Variants in SEC61A2 observed in about 807,000 individuals in gnomAD.
The protein encoded by SEC61A2 is SEC61 translocon subunit alpha 2, also known as protein transport protein Sec61 subunit alpha isoform 2.
SEC61A2 carries 28 observed loss-of-function variants against 59.9 expected under a neutral mutation model. The ratio of observed to expected loss-of-function variants is 0.47; its 90% CI spans 0.35 to 0.64. SEC61A2 has a LOEUF of 0.64. Among genes scored for constraint, SEC61A2 ranks in the 30% least tolerant of loss-of-function variants. The pLI is 0.01. For synonymous variants in SEC61A2, 202 were observed against 214.4 expected, an observed-to-expected ratio of 0.94 and a Z score of 0.50; for missense variants, 340 against 585.9, an observed-to-expected ratio of 0.58 and a Z score of 4.33.
intron 2 of SEC61A2, among the ~76,000 whole-genome samples, chr10:12,134,298 C>T (rs187028361): frequency 6.6e-5 from 10 of 152,226 alleles, no homozygotes; most frequent in East Asian, 1.9e-4. Context: ...TGAGCCACCG[C>T]GCCCGGCTAG....
intron 3 of SEC61A2, among the ~76,000 whole-genome samples, chr10:12,140,033 G>A (rs754137206): frequency 1.2e-4 from 19 of 152,028 alleles, no homozygotes; most frequent in Non-Finnish European, 2.4e-4. Context: ...GGGGCCGAGA[G>A]CTGCTCCAGG....
In SEC61A2 at chr10:12,153,871, G is replaced by A; in HGVS notation, c.463-1907G>A. The stretch of plus-strand genomic sequence containing the variant: ...GGTATTTCTCACCTTATTTGTTTAT[G>A]TTTCATTCACGTGGTTAGTGTTTTT... On this transcript the variant is annotated intron_variant, in intron 6 of 11. Coordinates refer to ENST00000298428, the MANE Select transcript of SEC61A2 (RefSeq NM_018144.4). The surrounding 1 kb of genome is among the most constrained non-coding windows in gnomAD (Gnocchi z 5.2). 3 of 1,461,168 alleles carry A rather than the reference G, an allele frequency of 2.1e-6. No individual in the cohort carries two copies. The highest frequency in any genetic ancestry group is 2.8e-5 in the African/African-American group (2 of 71,094). The allele number at this position is 1,461,168 out of a possible 1,614,324, so 90.5% of individuals were successfully genotyped here.
At position 12,162,368 on chromosome 10, in the gene SEC61A2, GT is replaced by G. The variant is rs1834551312; in HGVS notation, c.1244+81del. ...CAGTGTTGGCTAAATGTTTTTCTTT[GT>G]TCAAGTTCATATTTAAAACCCTTCT... On this transcript the variant is annotated intron_variant, in intron 11 of 11. Transcript: ENST00000298428. This position sits in a 1 kb window ranked among gnomAD's most constrained non-coding sequence, Gnocchi z 6.1. 2.5e-6 allele frequency: 3 copies of G among 1,198,292 alleles called. No individual in the cohort carries two copies. In the Admixed American group the frequency reaches 5.1e-5, roughly 20 times the overall value. 74.2% of individuals were successfully genotyped at this position (1,198,292 alleles called of 1,614,324 possible). A position where few individuals can be genotyped will look rare whatever the true frequency, so the allele number is the denominator to read the frequency against.
At position 12,143,228 on chromosome 10, in the gene SEC61A2, C is replaced by G. The variant is rs778882561; in HGVS notation, c.220+33C>G. 84 of 1,421,168 alleles carry G rather than the reference C, an allele frequency of 5.9e-5. No homozygotes were observed. The highest frequency in any genetic ancestry group is 8.1e-5 in the Non-Finnish European group (81 of 1,004,268). 88.0% of individuals were successfully genotyped at this position (1,421,168 alleles called of 1,614,324 possible). A position where few individuals can be genotyped will look rare whatever the true frequency, so the allele number is the denominator to read the frequency against. ...TGTCTTTTCTGTCTCCACACTCCTA[C>G]TCACAGCAAACAGATGGAAACATGT... On this transcript the variant is annotated intron_variant, in intron 4 of 11. Transcript: ENST00000298428. The surrounding 1 kb of genome is among the most constrained non-coding windows in gnomAD (Gnocchi z 4.8).
intron 1 of SEC61A2, among the ~76,000 whole-genome samples, chr10:12,132,626 A>G (rs1833783089): frequency 6.7e-6 from 1 of 150,196 alleles, no homozygotes; most frequent in African/African-American, 2.4e-5. Context: ...AAAAAAAAAA[A>G]AAAAGTTAAC....
chr10:12,155,293 A>T lies in SEC61A2; in HGVS notation c.463-485A>T. On this transcript the variant is annotated intron_variant, in intron 6 of 11. Transcript: ENST00000298428. This position sits in a 1 kb window ranked among gnomAD's most constrained non-coding sequence, Gnocchi z 4.3. ...TAGAGTATACATATATATAATATAT[A>T]TAATGCTTTTTTCAAAGGATCAACA... 6.7e-7 allele frequency: 1 copy of T among 1,493,920 alleles called. No individual in the cohort carries two copies. The highest frequency in any genetic ancestry group is 9.0e-7 in the Non-Finnish European group (1 of 1,113,678). The allele number at this position is 1,493,920 out of a possible 1,614,324, so 92.5% of individuals were successfully genotyped here.
At position 12,149,528 on chromosome 10, in the gene SEC61A2, G is replaced by A. The variant is rs746106888; in HGVS notation, c.221-67G>A. The A allele has an allele frequency of 1.1e-5, 16 of 1,456,780 alleles. 1 individual carries two copies. In the South Asian group the frequency reaches 1.3e-4, roughly 12 times the overall value. The allele number at this position is 1,456,780 out of a possible 1,614,324, so 90.2% of individuals were successfully genotyped here. A position where few individuals can be genotyped will look rare whatever the true frequency, so the allele number is the denominator to read the frequency against. On this transcript the variant is annotated intron_variant, in intron 4 of 11. Transcript: ENST00000298428. This position sits in a 1 kb window ranked among gnomAD's most constrained non-coding sequence, Gnocchi z 5.2. ...TTCAGTTGAGGTAATTAGGGAGTGC[G>A]ACACCTCTAAATCAGTTTGTATCGT...
rs910678709 is a variant in SEC61A2 at position 12,147,600 on chromosome 10, G to A, written c.221-1995G>A. 4.0e-5 allele frequency among the ~76,000 whole-genome samples: 6 copies of A among 151,670 alleles called. No homozygotes were observed. The South Asian group carries it at 8.3e-4, about 21-fold the overall frequency. ...CTCGGGAGGCTGAGGCAGGAGAATC[G>A]CTTGAATCCAGGAGGTGGAGGTTGC... On this transcript the variant is annotated intron_variant, in intron 4 of 11. Transcript: ENST00000298428.
At chr10:12,163,902 T>C in intron 11 of SEC61A2, among the ~76,000 whole-genome samples, 1 of 152,182 alleles carries the variant, frequency 6.6e-6, no homozygotes, top group Non-Finnish European at 1.5e-5. Flanking sequence ...CTCAAAATCT[T>C]ATGACATAAA....
In SEC61A2 at chr10:12,156,473, A is replaced by C. The variant is rs1564414919; in HGVS notation, c.617-434A>C. ...CTGATCCCAGCCTTAAGAAAACTGT[A>C]ATGATGATTAATGTTCTTGGTGCGG... On this transcript the variant is annotated intron_variant, in intron 7 of 11. Transcript: ENST00000298428. This position sits in a 1 kb window ranked among gnomAD's most constrained non-coding sequence, Gnocchi z 5.2. 6.6e-6 allele frequency among the ~76,000 whole-genome samples: 1 copy of C among 152,196 alleles called. No homozygotes were observed.
Position 12,155,198 on chromosome 10 carries a change from T to G in SEC61A2, c.463-580T>G. On this transcript the variant is annotated intron_variant, in intron 6 of 11. Coordinates refer to ENST00000298428, the MANE Select transcript of SEC61A2 (RefSeq NM_018144.4). This position sits in a 1 kb window ranked among gnomAD's most constrained non-coding sequence, Gnocchi z 4.3. The stretch of plus-strand genomic sequence containing the variant: ...GTCACTATGTGTATAGAATGCATTT[T>G]TACATTGCTGCTCGAGTACGTATTT... The G allele has an allele frequency of 1.6e-6, 1 of 637,230 alleles. No individual in the cohort carries two copies. The highest frequency in any genetic ancestry group is 2.3e-6 in the Non-Finnish European group (1 of 436,928). The allele number at this position is 637,230 out of a possible 1,614,324, so 39.5% of individuals were successfully genotyped here.
Position 12,156,485 on chromosome 10 carries a change from T to C in SEC61A2, c.617-422T>C, listed in dbSNP as rs895280195. Among the ~76,000 whole-genome samples the C allele has an allele frequency of 6.6e-6, 1 of 152,250 alleles. No homozygotes were observed. The highest frequency in any genetic ancestry group is 1.9e-4 in the East Asian group (1 of 5,200). On this transcript the variant is annotated intron_variant, in intron 7 of 11. Transcript: ENST00000298428. The surrounding 1 kb of genome is among the most constrained non-coding windows in gnomAD (Gnocchi z 5.2). Reference sequence around the variant, plus strand: ...TTAAGAAAACTGTAATGATGATTAATGTTCTTGGTGCGGTAAACTTCGAGG... The same window carrying C: ...TTAAGAAAACTGTAATGATGATTAACGTTCTTGGTGCGGTAAACTTCGAGG...
At chr10:12,166,596 G>A (rs1371364654), downstream of SEC61A2, 1 of 361,970 alleles carries the variant, frequency 2.8e-6, no homozygotes, top group Non-Finnish European at 5.7e-6. Flanking sequence ...GATTTTATCT[G>A]GAGAGCCCTT....
At chr10:12,169,519 G>A (rs576416744), downstream of SEC61A2, 3 of 518,240 alleles carry the variant, frequency 5.8e-6, no homozygotes, top group South Asian at 5.5e-5. This position sits in a 1 kb window ranked among gnomAD's most constrained non-coding sequence, Gnocchi z 4.8. Context: ...TCCGAGCTGC[G>A]CTGCCTCGTA....
At chr10:12,137,325 T>G (rs1338663493) in intron 3 of SEC61A2, among the ~76,000 whole-genome samples, 1 of 152,198 alleles carries the variant, frequency 6.6e-6, no homozygotes, top group Non-Finnish European at 1.5e-5. Flanking sequence ...GTTTTTGTTT[T>G]TTGGTTTTTT....
rs1834398932 is a variant in SEC61A2 at position 12,156,520 on chromosome 10, TAG to T, written c.617-384_617-383del. Reference sequence around the variant, plus strand: ...GCGGTAAACTTCGAGGCAGGCTCGATAGAGTGACATCTGTCTCTTATTCTGAC... The same window carrying T: ...GCGGTAAACTTCGAGGCAGGCTCGATAGTGACATCTGTCTCTTATTCTGAC... On this transcript the variant is annotated intron_variant, in intron 7 of 11. Coordinates refer to ENST00000298428, the MANE Select transcript of SEC61A2 (RefSeq NM_018144.4). This position sits in a 1 kb window ranked among gnomAD's most constrained non-coding sequence, Gnocchi z 5.2. 6.6e-6 allele frequency among the ~76,000 whole-genome samples: 1 copy of T among 152,244 alleles called. No homozygotes were observed. Among genetic ancestry groups the T allele is most frequent in the South Asian group, 2.1e-4 (1 of 4,832 alleles).
At chr10:12,140,621 A>G (rs1833996377) in intron 3 of SEC61A2, among the ~76,000 whole-genome samples, 1 of 152,026 alleles carries the variant, frequency 6.6e-6, no homozygotes, top group Non-Finnish European at 1.5e-5. Flanking sequence ...TTTGAGATGG[A>G]GTCTCACTCT....
At chr10:12,157,105 G>A (rs767308677) in intron 8 of SEC61A2, 38 bp downstream of exon 8, 2 of 1,586,610 alleles carry the variant, frequency 1.3e-6, no homozygotes, top group South Asian at 2.2e-5. Context: ...GTGGGATGTA[G>A]ATTTTTATTT....
rs1056556213 is a variant in SEC61A2 at position 12,158,418 on chromosome 10, C to A, written c.975+313C>A. The A allele has an allele frequency of 1.3e-5, 4 of 299,516 alleles. No homozygotes were observed. Among genetic ancestry groups the A allele is most frequent in the Non-Finnish European group, 1.9e-5 (3 of 157,526 alleles). 18.6% of individuals were successfully genotyped at this position (299,516 alleles called of 1,614,324 possible). A position where few individuals can be genotyped will look rare whatever the true frequency, so the allele number is the denominator to read the frequency against. On this transcript the variant is annotated intron_variant, in intron 9 of 11. Transcript: ENST00000298428. The surrounding 1 kb of genome is among the most constrained non-coding windows in gnomAD (Gnocchi z 5.7). Reference sequence around the variant, plus strand: ...TGTCATCTTATTCCAGTATTGTCTACAATAATGCTTTCTAAAAGATGCTAT... The same window carrying A: ...TGTCATCTTATTCCAGTATTGTCTAAAATAATGCTTTCTAAAAGATGCTAT...
Sources: allele counts gnomAD v4.1 joint callset (sites outside exome capture counted in the v4.1 genomes callset), GRCh38; gene constraint gnomAD v4.1.1; non-coding constraint Gnocchi (gnomAD v3.1); transcripts MANE v1.5; gene names NCBI Gene and HGNC (gene_info 2026-07-23, HGNC 2026-07-21).